PRKG1: variants seen among roughly 807,000 people sequenced by gnomAD.
The protein encoded by PRKG1 is protein kinase cGMP-dependent 1, also known as cGMP-dependent protein kinase 1.
In PRKG1, 35 loss-of-function variants were observed where a neutral mutation model predicts 88.1. That is an observed-to-expected ratio of 0.40 (90% CI 0.30 to 0.53). PRKG1 has a LOEUF of 0.53. PRKG1 is among the 20% of genes least tolerant of loss of function. The probability of loss-of-function intolerance (pLI) is 0.59; values close to 1 mark genes in which losing one functional copy is unlikely to be tolerated. For missense variants in PRKG1, 540 were observed against 839.8 expected (o/e 0.64, Z 4.41); for synonymous variants, 303 against 292.5 (o/e 1.04, Z -0.37).
rs74133939 is a variant in PRKG1, at chr10:51,015,298, C to A, written c.266+23654C>A. On this transcript the variant is annotated intron_variant, in intron 1 of 17. Transcript: ENST00000401604. ...ACATTATTGCCCACTATATCTCCAA[C>A]AACTATTTATTTAAAACCTACTATG... 1.3e-3 allele frequency among the ~76,000 whole-genome samples: 204 copies of A among 152,334 alleles called. 1 individual carries two copies. The highest frequency in any genetic ancestry group is 4.7e-3 in the African/African-American group (197 of 41,578).
At chr10:51,966,197 C>CA in intron 5 of PRKG1, among the ~76,000 whole-genome samples, 2 of 152,244 alleles carry the variant, frequency 1.3e-5, no homozygotes, top group East Asian at 3.9e-4. Context: ...AGCTGATTAG[C>CA]AAATACATAT....
chr10:52,271,625 A>G, intron 11 of PRKG1, 136 bp downstream of exon 11: 4 of 950,654 alleles, frequency 4.2e-6, no homozygotes, highest in Non-Finnish European at 5.7e-6. Flanking sequence ...ATCTTAAGAA[A>G]GTTTTGTTTG....
chr10:51,219,833 C>T (rs1838481191), intron 2 of PRKG1, among the ~76,000 whole-genome samples: 1 of 152,020 alleles, frequency 6.6e-6, no homozygotes, highest in Non-Finnish European at 1.5e-5. Context: ...GGTTTCCTGT[C>T]AGTGGTGAAA....
At chr10:51,403,968 A>G (rs1837833444) in intron 2 of PRKG1, among the ~76,000 whole-genome samples, 1 of 152,200 alleles carries the variant, frequency 6.6e-6, no homozygotes, top group African/African-American at 2.4e-5. Context: ...TCCCCTGTTA[A>G]CACTACTCCC....
intron 5 of PRKG1, among the ~76,000 whole-genome samples, chr10:51,966,708 CAA>C (rs556077897): frequency 1.6e-4 from 24 of 152,272 alleles, no homozygotes; most frequent in Admixed American, 1.2e-3. Flanking sequence ...CCTATTTGTG[CAA>C]AAGAGTCACC....
intron 10 of PRKG1, among the ~76,000 whole-genome samples, chr10:52,266,756 A>T (rs1841579480): frequency 6.6e-6 from 1 of 151,874 alleles, no homozygotes; most frequent in African/African-American, 2.4e-5. Context: ...GAGTTTGAGT[A>T]ATTTGTCCAA....
intron 7 of PRKG1, among the ~76,000 whole-genome samples, chr10:52,105,332 C>T (rs1177162632): frequency 1.3e-5 from 2 of 152,116 alleles, no homozygotes; most frequent in African/African-American, 4.8e-5. Context: ...TTGCGTTTTA[C>T]AGTTGGTTCT....
chr10:51,482,710 A>G (rs1840399792), intron 3 of PRKG1, among the ~76,000 whole-genome samples: 1 of 152,184 alleles, frequency 6.6e-6, no homozygotes, highest in South Asian at 2.1e-4. Flanking sequence ...ATGGTGGCAG[A>G]AACATGGTCA....
intron 2 of PRKG1, among the ~76,000 whole-genome samples, chr10:51,169,819 T>A (rs1448403356): frequency 6.6e-6 from 1 of 152,152 alleles, no homozygotes; most frequent in Admixed American, 6.6e-5. Context: ...ACATAATATA[T>A]GTCAAGCATC....
At chr10:51,095,493 A>T (rs1844505987) in intron 1 of PRKG1, among the ~76,000 whole-genome samples, 1 of 152,148 alleles carries the variant, frequency 6.6e-6, no homozygotes, top group Admixed American at 6.6e-5. Context: ...TTGAAGAGTA[A>T]AGTAAGCAAT....
At chr10:51,974,886 A>G (rs1843792161) in intron 5 of PRKG1, among the ~76,000 whole-genome samples, 1 of 152,136 alleles carries the variant, frequency 6.6e-6, no homozygotes, top group Non-Finnish European at 1.5e-5. Context: ...ACAGTAGCTT[A>G]TACCTAGTAG....
chr10:52,054,995 G>T (rs1846076543), intron 6 of PRKG1, among the ~76,000 whole-genome samples: 1 of 152,096 alleles, frequency 6.6e-6, no homozygotes, highest in Non-Finnish European at 1.5e-5. Context: ...AATTAGCTGG[G>T]CATGGTGGTG....
chr10:51,933,118 C>T (rs561700983), intron 5 of PRKG1, among the ~76,000 whole-genome samples: 6 of 152,116 alleles, frequency 3.9e-5, no homozygotes, highest in South Asian at 2.1e-4. Context: ...ATGTCATGTG[C>T]GGACTATACT....
At chr10:51,110,475 C>A (rs1020615089) in intron 1 of PRKG1, among the ~76,000 whole-genome samples, 11 of 151,988 alleles carry the variant, frequency 7.2e-5, no homozygotes, top group African/African-American at 2.4e-4. Flanking sequence ...ATACAAAATT[C>A]TAGAAAATGC....
At chr10:51,877,077 T>G (rs1325703232) in intron 4 of PRKG1, among the ~76,000 whole-genome samples, 1 of 152,028 alleles carries the variant, frequency 6.6e-6, no homozygotes, top group African/African-American at 2.4e-5. Context: ...GAGTGTCCCT[T>G]TTTGTGTGTG....
At chr10:51,312,869 T>C (rs1468316475) in intron 2 of PRKG1, among the ~76,000 whole-genome samples, 1 of 152,204 alleles carries the variant, frequency 6.6e-6, no homozygotes, top group Non-Finnish European at 1.5e-5. Context: ...AATTTTTCAC[T>C]GTGGGACTAA....
intron 3 of PRKG1, among the ~76,000 whole-genome samples, chr10:51,714,309 C>T (rs890203230): frequency 1.3e-5 from 2 of 152,100 alleles, no homozygotes; most frequent in Non-Finnish European, 2.9e-5. Context: ...TTATATAGGG[C>T]TTACCATATT....
chr10:51,613,871 T>A (rs1031960026), intron 3 of PRKG1, among the ~76,000 whole-genome samples: 3 of 151,934 alleles, frequency 2.0e-5, no homozygotes, highest in Non-Finnish European at 2.9e-5. Flanking sequence ...TCAATATTTT[T>A]AAAATTTGTT....
Position 52,021,068 on chromosome 10 carries a change from T to C in PRKG1, c.763-33416T>C, listed in dbSNP as rs914758563. Among the ~76,000 whole-genome samples the C allele has an allele frequency of 3.9e-5, 6 of 152,104 alleles. No individual in the cohort carries two copies. In the South Asian group the frequency reaches 6.2e-4, roughly 16 times the overall value. ...CCACTCATGCCTGTCTAACTACCTG[T>C]AACAAACTTACAAGCAACACTCAGA... On this transcript the variant is annotated intron_variant, in intron 5 of 17. Transcript: ENST00000373980.
Sources: allele counts gnomAD v4.1 joint callset (sites outside exome capture counted in the v4.1 genomes callset), GRCh38; gene constraint gnomAD v4.1.1; transcripts MANE v1.5; gene names NCBI Gene and HGNC (gene_info 2026-07-23, HGNC 2026-07-21).